LPCAT2: variants seen among roughly 807,000 people sequenced by gnomAD.
LPCAT2 encodes 1-AGP acyltransferase 11.
Under a neutral mutation model 64.7 loss-of-function variants are expected in LPCAT2, and 58 were observed. The ratio of observed to expected loss-of-function variants is 0.90; its 90% CI spans 0.73 to 1.12. LPCAT2 has a LOEUF of 1.12. LPCAT2 is among the 50% of genes most tolerant of loss of function. The probability of loss-of-function intolerance (pLI) is 0.00; values close to 1 mark genes in which losing one functional copy is unlikely to be tolerated. For synonymous variants in LPCAT2, 252 were observed against 245.3 expected, an observed-to-expected ratio of 1.03 and a Z score of -0.26; for missense variants, 579 against 669.8, an observed-to-expected ratio of 0.86 and a Z score of 1.50.
rs766919817 is a variant in LPCAT2 at position 55,525,547 on chromosome 16, T to C, written c.211T>C (p.Leu71=). 6.2e-7 allele frequency: 1 copy of C among 1,611,706 alleles called. No homozygotes were observed. Among genetic ancestry groups the C allele is most frequent in the Admixed American group, 1.7e-5 (1 of 59,738 alleles). The change falls in exon 2 of 14, where the codon TTA becomes CTA. Residue 71 remains leucine (L), a synonymous_variant. Coordinates refer to ENST00000262134, the MANE Select transcript of LPCAT2 (RefSeq NM_017839.5). The part of the protein sequence containing the change: ...LGIILLPIRV[L]LVALILLLAW... ...GATTATCTTGCTTCCAATTCGTGTC[T>C]TATTGGTTGCGTTAATTTTATTACT...
At chr16:55,533,920 A>G (rs1963290198) in intron 6 of LPCAT2, among the ~76,000 whole-genome samples, 1 of 152,152 alleles carries the variant, frequency 6.6e-6, no homozygotes, top group Non-Finnish European at 1.5e-5. Flanking sequence ...TCTACTATTT[A>G]ATATTAAGGG....
intron 11 of LPCAT2, among the ~76,000 whole-genome samples, chr16:55,568,754 T>C (rs1963736091): frequency 6.6e-6 from 1 of 152,198 alleles, no homozygotes; most frequent in African/African-American, 2.4e-5. Flanking sequence ...GAGTCAGTGT[T>C]GCCAGCATTC....
chr16:55,576,563 C>G (rs1252610128), intron 12 of LPCAT2, among the ~76,000 whole-genome samples: 2 of 152,162 alleles, frequency 1.3e-5, no homozygotes, highest in Non-Finnish European at 2.9e-5. Flanking sequence ...GCCTTACAAC[C>G]TCCCTGGCCA....
chr16:55,585,054 A>G lies in LPCAT2; in HGVS notation c.*1956A>G, dbSNP rs1216717717. ...AAAGGTTTTCTTTGAGGCTCTTGAA[A>G]GTGATCCCATTGCTTTCCTGTTTTA... On this transcript the variant is annotated 3_prime_UTR_variant, in exon 14 of 14. Coordinates refer to ENST00000262134, the MANE Select transcript of LPCAT2 (RefSeq NM_017839.5). 1 of 152,180 alleles carries G rather than the reference A, an allele frequency of 6.6e-6. No individual in the cohort carries two copies. Among genetic ancestry groups the G allele is most frequent in the African/African-American group, 2.4e-5 (1 of 41,456 alleles). The allele number at this position is 152,180 out of a possible 1,614,324, so 9.4% of individuals were successfully genotyped here.
intron 9 of LPCAT2, 77 bp from the exon 10 acceptor site, chr16:55,549,200 C>A: frequency 2.5e-6 from 3 of 1,193,572 alleles, no homozygotes; most frequent in Admixed American, 2.7e-5. Context: ...CGTTTGGAAC[C>A]AGTTAAAGCC....
intron 2 of LPCAT2, among the ~76,000 whole-genome samples, chr16:55,527,889 G>C (rs1963195215): frequency 6.6e-6 from 1 of 152,140 alleles, no homozygotes; most frequent in Admixed American, 6.5e-5. Flanking sequence ...TTCAGTGTGA[G>C]AGCTCCAAAA....
intron 1 of LPCAT2, among the ~76,000 whole-genome samples, chr16:55,525,109 A>G (rs1963150828): frequency 1.3e-5 from 2 of 152,082 alleles, no homozygotes; most frequent in South Asian, 4.1e-4. Context: ...TTCTACCTAA[A>G]GCTCTCAAAA....
At chr16:55,564,576 C>G (rs1338337444) in intron 11 of LPCAT2, among the ~76,000 whole-genome samples, 1 of 151,878 alleles carries the variant, frequency 6.6e-6, no homozygotes, top group Admixed American at 6.6e-5. Context: ...GCAAGAATGC[C>G]AAAACCATTC....
chr16:55,578,728 C>T (rs1963856503), intron 12 of LPCAT2, among the ~76,000 whole-genome samples: 1 of 152,158 alleles, frequency 6.6e-6, no homozygotes, highest in Non-Finnish European at 1.5e-5. Flanking sequence ...TTGTCTCTAT[C>T]TCCTGACTGG....
At chr16:55,582,179 A>G (rs1195782562) in intron 13 of LPCAT2, among the ~76,000 whole-genome samples, 5 of 152,190 alleles carry the variant, frequency 3.3e-5, no homozygotes, top group African/African-American at 1.2e-4. Flanking sequence ...GTGAACACCC[A>G]TGTAACTACC....
At chr16:55,533,269 TAGC>T (rs1316515111) in intron 6 of LPCAT2, among the ~76,000 whole-genome samples, 2 of 152,090 alleles carry the variant, frequency 1.3e-5, no homozygotes, top group African/African-American at 4.8e-5. Flanking sequence ...AGTATTGAAA[TAGC>T]AGGATAAATA....
intron 11 of LPCAT2, among the ~76,000 whole-genome samples, chr16:55,573,279 A>C (rs1206042642): frequency 1.3e-5 from 2 of 152,158 alleles, no homozygotes; most frequent in African/African-American, 4.8e-5. Context: ...TCCTTCCCCA[A>C]ATTCATCCAT....
intron 11 of LPCAT2, chr16:55,567,384 A>T: frequency 1.2e-6 from 2 of 1,613,814 alleles, no homozygotes; most frequent in South Asian, 2.2e-5. Context: ...TAACAATTTC[A>T]TCAGCTGCTT....
Position 55,550,947 on chromosome 16 carries a change from A to G in LPCAT2, c.1062-2A>G, listed in dbSNP as rs1415089676. 1 of 1,578,596 alleles carries G rather than the reference A, an allele frequency of 6.3e-7. No individual in the cohort carries two copies. ...TGTATCTATAATTCTTTGTTTGTTT[A>G]GATTAGATTGGGATGGTGTTCGTAA... is the stretch of plus-strand genomic sequence containing the variant. On this transcript the variant is annotated splice_acceptor_variant, in intron 10 of 13. Transcript: ENST00000262134. LOFTEE classifies it high-confidence loss of function.
At chr16:55,562,129 C>T (rs1209093126) in intron 11 of LPCAT2, among the ~76,000 whole-genome samples, 4 of 151,940 alleles carry the variant, frequency 2.6e-5, no homozygotes, top group African/African-American at 9.7e-5. Context: ...GTTCAAACCC[C>T]CTTCCAATCT....
Position 55,579,129 on chromosome 16 carries a change from T to C in LPCAT2, c.1335T>C (p.Asp445=). The change falls in exon 13 of 14, where the codon GAT becomes GAC. Residue 445 remains aspartate (D), a synonymous_variant. Transcript: ENST00000262134. ...VAFKLFDVDE[D]GYITEEEFST... ...TTCAGCTGTTTGACGTTGATGAGGA[T>C]GGCTACATAACGGAGGAAGAGTTCT... 1 of 1,613,294 alleles carries C rather than the reference T, an allele frequency of 6.2e-7. No homozygotes were observed. Among genetic ancestry groups the C allele is most frequent in the Non-Finnish European group, 8.5e-7 (1 of 1,179,476 alleles).
Position 55,509,144 on chromosome 16 carries a change from G to A in LPCAT2, c.-38G>A, listed in dbSNP as rs1353365685. 1.3e-5 allele frequency: 17 copies of A among 1,303,986 alleles called. No individual in the cohort carries two copies. Among genetic ancestry groups the A allele is most frequent in the Non-Finnish European group, 1.6e-5 (16 of 1,022,362 alleles). The allele number at this position is 1,303,986 out of a possible 1,614,324, so 80.8% of individuals were successfully genotyped here. A position where few individuals can be genotyped will look rare whatever the true frequency, so the allele number is the denominator to read the frequency against. On this transcript the variant is annotated 5_prime_UTR_variant, in exon 1 of 14. Coordinates refer to ENST00000262134, the MANE Select transcript of LPCAT2 (RefSeq NM_017839.5). ...GCTCAGTTTTGGCTGCAGCGCCCGC[G>A]TAGATCGCTTCGGCCGGGTTCTACG... is the stretch of plus-strand genomic sequence containing the variant.
intron 11 of LPCAT2, among the ~76,000 whole-genome samples, chr16:55,571,576 A>G (rs1465719095): frequency 6.6e-6 from 1 of 152,194 alleles, no homozygotes; most frequent in Non-Finnish European, 1.5e-5. Flanking sequence ...GCCTCCCTCC[A>G]AAGAGCTGGT....
In LPCAT2 at chr16:55,528,562, G is replaced by T; in HGVS notation, c.497G>T (p.Arg166Leu). 6.2e-7 allele frequency: 1 copy of T among 1,613,654 alleles called. No individual in the cohort carries two copies. The highest frequency in any genetic ancestry group is 8.5e-7 in the Non-Finnish European group (1 of 1,179,696). ...GCTGGGTTACCTTCTATGGTATCTCGAAATGAGAATGCACAAGTCCCTCTG... is the reference window on the plus strand; with the variant it reads ...GCTGGGTTACCTTCTATGGTATCTCTAAATGAGAATGCACAAGTCCCTCTG... ...VVAGLPSMVS[R>L]NENAQVPLIG... is the part of the protein sequence containing the mutation. The change falls in exon 3 of 14, where the codon CGA (arginine) becomes CTA (leucine). Residue 166 changes from arginine to leucine, a missense_variant. By Grantham distance (102) the Arg-to-Leu change is moderately radical. Transcript: ENST00000262134.
Sources: gnomAD v4.1 joint callset for allele counts (sites outside exome capture counted in the v4.1 genomes callset) on GRCh38, gnomAD v4.1.1 for gene constraint, MANE v1.5 for transcripts, NCBI Gene and HGNC (gene_info 2026-07-23, HGNC 2026-07-21) for gene names.